The following HYOU1 variants were observed in gnomAD, a reference collection of about 807,000 sequenced individuals.
HYOU1 encodes hypoxia up-regulated 1, also known as hypoxia up-regulated protein 1.
In HYOU1, 40 loss-of-function variants were observed where a neutral mutation model predicts 120.5. The ratio of observed to expected loss-of-function variants is 0.33; its 90% CI spans 0.26 to 0.43. HYOU1 has a LOEUF of 0.43. Ranked by LOEUF, HYOU1 falls within the 20% of genes least tolerant of loss-of-function variation. HYOU1 has a pLI of 1.00. For synonymous variants in HYOU1, 501 were observed against 479.4 expected (o/e 1.05, Z -0.59); for missense variants, 1,085 against 1,278.3 (o/e 0.85, Z 2.31).
intron 6 of HYOU1, 110 bp downstream of exon 6, chr11:119,054,874 T>C: frequency 1.6e-6 from 2 of 1,217,458 alleles, no homozygotes; most frequent in South Asian, 1.4e-5. Context: ...CCAAAATCTA[T>C]CTTCAGATGT....
At chr11:119,046,871 A>T (rs905811528) in intron 22 of HYOU1, 69 bp from the exon 23 acceptor site, 2 of 1,557,042 alleles carry the variant, frequency 1.3e-6, no homozygotes, top group Admixed American at 3.6e-5. Flanking sequence ...CCCAGATGGA[A>T]TCACACCCCC....
intron 16 of HYOU1, 52 bp from the exon 17 acceptor site, chr11:119,049,255 G>C (rs1944268967): frequency 6.3e-7 from 1 of 1,590,344 alleles, no homozygotes; most frequent in Non-Finnish European, 8.5e-7. Flanking sequence ...GAGCCTCCAG[G>C]CAGGCCTGGC....
In HYOU1 at chr11:119,048,876, T is replaced by A; in HGVS notation, c.2003A>T (p.Glu668Val). The change falls in exon 18 of 26, where the codon GAG (glutamate) becomes GTG (valine). Residue 668 changes from glutamate (E) to valine (V), a missense_variant. By Grantham distance (121) the Glu-to-Val change is moderately radical (BLOSUM62 -2). Coordinates refer to ENST00000617285, the MANE Select transcript of HYOU1 (RefSeq NM_006389.5). The surrounding 1 kb of genome is among the most constrained non-coding windows in gnomAD (Gnocchi z 4.7). ...GDKSEAQKPS[E>V]KAEAGPEGVA... The stretch of plus-strand genomic sequence containing the variant: ...GCCCTCAGGCCCTGCCTCTGCCTTC[T>A]CACTTGGTTTCTGGGTGGGAAGAGT... 1 of 1,606,284 alleles carries A rather than the reference T, an allele frequency of 6.2e-7. No individual in the cohort carries two copies. The highest frequency in any genetic ancestry group is 1.7e-4 in the Middle Eastern group (1 of 6,004).
rs782141244 is a variant in HYOU1 at position 119,044,945 on chromosome 11, T to C, written c.*648A>G. On this transcript the variant is annotated 3_prime_UTR_variant, in exon 26 of 26. Transcript: ENST00000617285. ...AATACGAGTGAGAATCCTTCCAGAT[T>C]TACTTCCGCCAATCCAGAGGTACAG... The C allele has an allele frequency of 2.7e-5, 9 of 332,244 alleles. No individual in the cohort carries two copies. The highest frequency in any genetic ancestry group is 5.6e-5 in the Non-Finnish European group (9 of 160,574). The allele number at this position is 332,244 out of a possible 1,614,324, so 20.6% of individuals were successfully genotyped here. A position where few individuals can be genotyped will look rare whatever the true frequency, so the allele number is the denominator to read the frequency against.
In HYOU1 at chr11:119,048,026, G is replaced by A. The variant is rs2133560413; in HGVS notation, c.2431C>T (p.Arg811Trp). ...LRKLCQGLFF[R>W]VEERKKWPER... The stretch of plus-strand genomic sequence containing the variant: ...GGCCACTTCTTGCGCTCCTCTACCC[G>A]AAAAAACAGCCCTTGGCACAGCTTC... Residue 811 changes from arginine to tryptophan, a missense_variant, in exon 21 of 26, where the codon CGG (arginine) becomes TGG (tryptophan). Around this residue, in one of 4 missense-constraint regions of HYOU1, gnomAD observed 516 missense variants for 517.1 expected, o/e 1.00. Coordinates refer to ENST00000617285, the MANE Select transcript of HYOU1 (RefSeq NM_006389.5). This position sits in a 1 kb window ranked among gnomAD's most constrained non-coding sequence, Gnocchi z 4.7. The A allele has an allele frequency of 9.3e-6, 15 of 1,614,154 alleles. No individual in the cohort carries two copies. The highest frequency in any genetic ancestry group is 3.3e-5 in the South Asian group (3 of 91,084).
At chr11:119,046,265 C>CA in intron 24 of HYOU1, 152 bp downstream of exon 24, 8 of 494,412 alleles carry the variant, frequency 1.6e-5, no homozygotes, top group African/African-American at 1.3e-4. Context: ...CGTGCCTGGC[C>CA]TTTTTTTTTT....
Position 119,056,179 on chromosome 11 carries a change from G to T in HYOU1, c.-7-12C>A. 1 of 1,596,714 alleles carries T rather than the reference G, an allele frequency of 6.3e-7. No homozygotes were observed. The highest frequency in any genetic ancestry group is 8.6e-7 in the Non-Finnish European group (1 of 1,165,776). Reference sequence around the variant, plus strand: ...CTGCCATAGTGCCCCTGGGGGAGGCGAAGAAAGAAAACACTTAAAACTGGA... The same window carrying T: ...CTGCCATAGTGCCCCTGGGGGAGGCTAAGAAAGAAAACACTTAAAACTGGA... On this transcript the variant is annotated splice_polypyrimidine_tract_variant and intron_variant, in intron 1 of 25. Coordinates refer to ENST00000617285, the MANE Select transcript of HYOU1 (RefSeq NM_006389.5).
intron 8 of HYOU1, chr11:119,053,862 C>G (rs1444999461): frequency 1.3e-5 from 5 of 394,386 alleles, no homozygotes; most frequent in Non-Finnish European, 2.3e-5. Context: ...ATCTGACACC[C>G]TACATATTGC....
chr11:119,054,930 A>G (rs1944664139), intron 6 of HYOU1, 54 bp downstream of exon 6: 1 of 1,550,168 alleles, frequency 6.5e-7, no homozygotes, highest in African/African-American at 1.4e-5. Context: ...TTGGAGAATC[A>G]CTGCCCTAGA....
chr11:119,046,290 C>T, intron 24 of HYOU1, 127 bp downstream of exon 24: 4 of 328,986 alleles, frequency 1.2e-5, no homozygotes, highest in South Asian at 4.8e-5. Context: ...TTTTTTTAAA[C>T]AACCCTTTAA....
At chr11:119,053,908 A>G (rs2133601836) in intron 8 of HYOU1, 4 of 482,752 alleles carry the variant, frequency 8.3e-6, no homozygotes, top group Non-Finnish European at 1.5e-5. Context: ...ATACATTTTG[A>G]AAGTTCCATG....
chr11:119,054,486 T>A lies in HYOU1; in HGVS notation c.678+8A>T. ...CCTGCATGTCTGGTCAAGGCTCCCC[T>A]GGCTCACCTGGGCAGTGGTGTTAAT... On this transcript the variant is annotated splice_region_variant and intron_variant, in intron 7 of 25. Coordinates refer to ENST00000617285, the MANE Select transcript of HYOU1 (RefSeq NM_006389.5). The A allele has an allele frequency of 1.2e-6, 2 of 1,613,872 alleles. No individual in the cohort carries two copies. Among genetic ancestry groups the A allele is most frequent in the Non-Finnish European group, 1.7e-6 (2 of 1,179,804 alleles).
intron 1 of HYOU1, chr11:119,056,561 T>A: frequency 2.7e-6 from 1 of 366,752 alleles, no homozygotes; most frequent in Non-Finnish European, 5.3e-6. Flanking sequence ...TCCCCACACC[T>A]GGAGCTCCCC....
chr11:119,050,327 C>T (rs2133578245), intron 14 of HYOU1, among the ~76,000 whole-genome samples: 1 of 152,168 alleles, frequency 6.6e-6, no homozygotes, highest in African/African-American at 2.4e-5. Context: ...ACAGGAGAGT[C>T]ACTTGAACCC....
chr11:119,054,159 T>C lies in HYOU1; in HGVS notation c.756A>G (p.Glu252=), dbSNP rs1406843860. 6.2e-7 allele frequency: 1 copy of C among 1,613,962 alleles called. No individual in the cohort carries two copies. Among genetic ancestry groups the C allele is most frequent in the Non-Finnish European group, 8.5e-7 (1 of 1,179,932 alleles). ...TCTGCAGCTGTGGCTGCATCCCAGC[T>C]TCCTTAGTCTTCACCATCTGGTAGG... ...IVTYQMVKTK[E]AGMQPQLQIR... The change falls in exon 8 of 26, where the codon GAA becomes GAG. Residue 252 remains glutamate, a synonymous_variant. Transcript: ENST00000617285.
Position 119,055,656 on chromosome 11 carries a change from T to G in HYOU1, c.186-85A>C. 6.7e-7 allele frequency: 1 copy of G among 1,487,340 alleles called. No homozygotes were observed. Among genetic ancestry groups the G allele is most frequent in the South Asian group, 1.1e-5 (1 of 88,448 alleles). 92.1% of individuals were successfully genotyped at this position (1,487,340 alleles called of 1,614,324 possible). On this transcript the variant is annotated intron_variant, in intron 3 of 25. Coordinates refer to ENST00000617285, the MANE Select transcript of HYOU1 (RefSeq NM_006389.5). This position sits in a 1 kb window ranked among gnomAD's most constrained non-coding sequence, Gnocchi z 4.0. ...ACTCACACACATTTAACCACTCAGA[T>G]GCCGAAGTCTGCTGTGGGCACTATG...
Position 119,044,204 on chromosome 11 carries a change from T to G in HYOU1, c.*1389A>C, listed in dbSNP as rs1190719324. 6.6e-6 allele frequency: 1 copy of G among 151,976 alleles called. No homozygotes were observed. Among genetic ancestry groups the G allele is most frequent in the Non-Finnish European group, 1.5e-5 (1 of 67,812 alleles). The allele number at this position is 151,976 out of a possible 1,614,324, so 9.4% of individuals were successfully genotyped here. ...CACAAAAACTGTAGAAAAGAATATT[T>G]TATTGAAACAGTTTCTCAATTAACA... On this transcript the variant is annotated 3_prime_UTR_variant, in exon 26 of 26. Transcript: ENST00000617285.
chr11:119,052,549 G>A lies in HYOU1; in HGVS notation c.987+88C>T, dbSNP rs2133593676. The stretch of plus-strand genomic sequence containing the variant: ...TGGTAGCGGGAGGAGCATGGGCCAT[G>A]CCAGGCACGAGCAGCCCAGTTCAGT... On this transcript the variant is annotated intron_variant, in intron 9 of 25. Coordinates refer to ENST00000617285, the MANE Select transcript of HYOU1 (RefSeq NM_006389.5). The surrounding 1 kb of genome is among the most constrained non-coding windows in gnomAD (Gnocchi z 5.0). 105 of 1,571,356 alleles carry A rather than the reference G, an allele frequency of 6.7e-5. No individual in the cohort carries two copies. The African/African-American group carries it at 1.2e-3, about 18-fold the overall frequency.
Position 119,045,527 on chromosome 11 carries a change from G to C in HYOU1, c.*66C>G, listed in dbSNP as rs938433081. The C allele has an allele frequency of 1.5e-6, 2 of 1,373,732 alleles. No homozygotes were observed. Among genetic ancestry groups the C allele is most frequent in the African/African-American group, 1.4e-5 (1 of 70,350 alleles). 85.1% of individuals were successfully genotyped at this position (1,373,732 alleles called of 1,614,324 possible). ...AGGACCAACCCCTCCCCCAACCCTC[G>C]ATGTTAAATAAATAGAAGTGGTGGG... On this transcript the variant is annotated 3_prime_UTR_variant, in exon 26 of 26. Transcript: ENST00000617285.
Sources: gnomAD v4.1 joint callset for allele counts (sites outside exome capture counted in the v4.1 genomes callset) on GRCh38, gnomAD v4.1.1 for gene constraint, gnomAD v4.1.1 regional missense constraint, Gnocchi (gnomAD v3.1) non-coding constraint, MANE v1.5 for transcripts, NCBI Gene and HGNC (gene_info 2026-07-23, HGNC 2026-07-21) for gene names.